The following SMARCD1 variants were observed in gnomAD, a reference collection of about 807,000 sequenced individuals.
The protein encoded by SMARCD1 is SWI/SNF-related matrix-associated actin-dependent regulator of chromatin subfamily D member 1.
Under a neutral mutation model 70.8 loss-of-function variants are expected in SMARCD1, and 16 were observed. That is an observed-to-expected ratio of 0.23 (90% CI 0.15 to 0.34). The LOEUF (loss-of-function observed/expected upper bound fraction) is 0.34, where lower values mean the gene tolerates loss of function less well. Ranked by LOEUF, SMARCD1 falls within the 10% of genes least tolerant of loss-of-function variation. The pLI is 1.00. For synonymous variants in SMARCD1, 249 were observed against 246.0 expected (o/e 1.01, Z -0.11); for missense variants, 409 against 655.5 (o/e 0.62, Z 4.11).
At chr12:50,093,149 A>G (rs1950861990) in intron 9 of SMARCD1, among the ~76,000 whole-genome samples, 1 of 151,684 alleles carries the variant, frequency 6.6e-6, no homozygotes, top group Non-Finnish European at 1.5e-5. Flanking sequence ...GCACTCCAGC[A>G]TAGACAACAG....
Position 50,086,203 on chromosome 12 carries a change from C to T in SMARCD1, c.220C>T (p.Pro74Ser). The stretch of plus-strand genomic sequence containing the variant: ...AGGCAGCCGAATGACACCTCAGGGA[C>T]CTTCCATGGGACCCCCTGGCTATGG... ...LPGSRMTPQG[P>S]SMGPPGYGGN... Residue 74 changes from proline (P) to serine (S), a missense_variant, in exon 2 of 13, where the codon CCT (proline) becomes TCT (serine). Transcript: ENST00000394963. The T allele has an allele frequency of 6.2e-7, 1 of 1,602,256 alleles. No individual in the cohort carries two copies. The highest frequency in any genetic ancestry group is 8.5e-7 in the Non-Finnish European group (1 of 1,173,396).
At chr12:50,090,697 AACTGTTAC>A in intron 9 of SMARCD1, 107 bp downstream of exon 9, 1 of 723,700 alleles carries the variant, frequency 1.4e-6, no homozygotes, top group Non-Finnish European at 2.5e-6. Context: ...TGTTAAACAC[AACTGTTAC>A]ACTGTTACTT....
At chr12:50,093,845 A>T (rs1565741418) in intron 9 of SMARCD1, among the ~76,000 whole-genome samples, 1 of 152,006 alleles carries the variant, frequency 6.6e-6, no homozygotes, top group Non-Finnish European at 1.5e-5. Context: ...AGTGGCATGA[A>T]CTTGGCTCAC....
intron 6 of SMARCD1, chr12:50,089,523 T>C (rs1950822117): frequency 5.2e-6 from 1 of 191,956 alleles, no homozygotes; most frequent in African/African-American, 2.3e-5. Context: ...GCCTATCTTG[T>C]ATAGATGTTC....
In SMARCD1 at chr12:50,090,558, A is replaced by G. The variant is rs1950832428; in HGVS notation, c.1101A>G (p.Pro367=). The change falls in exon 9 of 13, where the codon CCA becomes CCG. Residue 367 remains proline (P), a synonymous_variant. Transcript: ENST00000394963. ...IPQRLHALLM[P]PEPIIINHVI... ...AGCGGCTCCATGCCTTGCTTATGCC[A>G]CCAGAACCTATCATCATTAATCATG... is the stretch of plus-strand genomic sequence containing the variant. The G allele has an allele frequency of 1.9e-6, 3 of 1,613,848 alleles. No individual in the cohort carries two copies. The highest frequency in any genetic ancestry group is 2.2e-5 in the South Asian group (2 of 91,072).
intron 9 of SMARCD1, among the ~76,000 whole-genome samples, chr12:50,090,927 C>T (rs1266785615): frequency 2.0e-5 from 3 of 148,690 alleles, no homozygotes. Flanking sequence ...TGGGTTCACG[C>T]CATTCTCCTG....
intron 5 of SMARCD1, 32 bp from the exon 6 acceptor site, chr12:50,088,489 T>A: frequency 8.0e-7 from 1 of 1,255,344 alleles, no homozygotes; most frequent in East Asian, 2.3e-5. Context: ...TTCTGGCCTT[T>A]CCTAATGTGA....
intron 6 of SMARCD1, 90 bp from the exon 7 acceptor site, chr12:50,089,794 A>G: frequency 1.1e-6 from 1 of 904,118 alleles, no homozygotes; most frequent in South Asian, 1.5e-5. Flanking sequence ...TCAGTAATCA[A>G]AGTTGAATAT....
intron 9 of SMARCD1, among the ~76,000 whole-genome samples, chr12:50,092,368 C>G: frequency 6.7e-6 from 1 of 149,672 alleles, no homozygotes; most frequent in Middle Eastern, 3.4e-3. Flanking sequence ...GGATTACAGG[C>G]GCATGCCACC....
In SMARCD1 at chr12:50,089,879, T is replaced by C; in HGVS notation, c.772-5T>C. 13 of 1,585,676 alleles carry C rather than the reference T, an allele frequency of 8.2e-6. No individual in the cohort carries two copies. The highest frequency in any genetic ancestry group is 1.1e-5 in the Non-Finnish European group (13 of 1,160,478). On this transcript the variant is annotated splice_region_variant and splice_polypyrimidine_tract_variant and intron_variant, in intron 6 of 12. Transcript: ENST00000394963. Reference sequence around the variant, plus strand: ...GAGCACCCCCTGACATCTTCCTCTCTGTAGTGGCACAGGACCGCCACTACC... The same window carrying C: ...GAGCACCCCCTGACATCTTCCTCTCCGTAGTGGCACAGGACCGCCACTACC...
chr12:50,096,825 G>A (rs774471823), intron 10 of SMARCD1, 25 bp from the exon 11 acceptor site: 2 of 1,588,770 alleles, frequency 1.3e-6, no homozygotes, highest in Admixed American at 3.5e-5. Context: ...TTTGAAAATG[G>A]TATGAGCTTC....
rs79178823 is a variant in SMARCD1, at chr12:50,095,917, G to A, written c.1270-933G>A. Among the ~76,000 whole-genome samples, 1,328 of 152,312 alleles carry A rather than the reference G, an allele frequency of 8.7e-3. 7 individuals are homozygous for A. The highest frequency in any genetic ancestry group is 0.014 in the Non-Finnish European group (964 of 68,018). ...GGAAAACTGGTTTATGTTTCATCCC[G>A]AAGACTGTGTAAGACAGCTGGTTGA... On this transcript the variant is annotated intron_variant, in intron 10 of 12. Coordinates refer to ENST00000394963, the MANE Select transcript of SMARCD1 (RefSeq NM_003076.5).
At chr12:50,087,030 G>A (rs1950797786) in intron 4 of SMARCD1, 152 bp downstream of exon 4, 5 of 805,744 alleles carry the variant, frequency 6.2e-6, no homozygotes, top group Non-Finnish European at 9.7e-6. Context: ...ATTACATTAG[G>A]AGGATAAGAA....
chr12:50,092,923 A>G (rs917476797), intron 9 of SMARCD1, among the ~76,000 whole-genome samples: 14 of 152,060 alleles, frequency 9.2e-5, no homozygotes, highest in African/African-American at 3.4e-4. Context: ...CACGTCTGTA[A>G]TCCCAGCACT....
At chr12:50,093,923 G>T (rs549564570) in intron 9 of SMARCD1, among the ~76,000 whole-genome samples, 64 of 152,208 alleles carry the variant, frequency 4.2e-4, no homozygotes, top group African/African-American at 1.5e-3. Context: ...GGGATTACAG[G>T]CGTGAGCTAC....
chr12:50,086,382 G>A (rs2137871609), intron 2 of SMARCD1, 34 bp downstream of exon 2: 2 of 1,442,664 alleles, frequency 1.4e-6, no homozygotes, highest in Non-Finnish European at 1.9e-6. Context: ...GAGGGAGGGA[G>A]GGAGCCTGGG....
At chr12:50,090,821 CTTTTT>C in intron 9 of SMARCD1, among the ~76,000 whole-genome samples, 2 of 102,410 alleles carry the variant, frequency 2.0e-5, no homozygotes, top group South Asian at 6.9e-4. Context: ...TGTATTTGTG[CTTTTT>C]TTTTTTTTTT....
intron 10 of SMARCD1, 132 bp downstream of exon 10, chr12:50,094,704 G>A: frequency 1.2e-6 from 1 of 810,166 alleles, no homozygotes; most frequent in Admixed American, 2.8e-5. Flanking sequence ...CTTGGTGCTG[G>A]TTTGAGCCAG....
chr12:50,087,971 C>T (rs1482703264), intron 5 of SMARCD1, among the ~76,000 whole-genome samples: 2 of 152,116 alleles, frequency 1.3e-5, no homozygotes, highest in African/African-American at 4.8e-5. Context: ...CTTCCCACCC[C>T]AGAAGCTCCT....
Sources: allele counts gnomAD v4.1 joint callset (sites outside exome capture counted in the v4.1 genomes callset), GRCh38; gene constraint gnomAD v4.1.1; transcripts MANE v1.5; gene names NCBI Gene and HGNC (gene_info 2026-07-23, HGNC 2026-07-21).